Variants in MAGI2 observed in about 807,000 individuals in gnomAD.
MAGI2 encodes the protein membrane-associated guanylate kinase, WW and PDZ domain-containing protein 2.
MAGI2 carries 35 observed loss-of-function variants against 133.3 expected under a neutral mutation model. The ratio of observed to expected loss-of-function variants is 0.26; its 90% confidence interval spans 0.20 to 0.35. The LOEUF (loss-of-function observed/expected upper bound fraction) is 0.35. Ranked by LOEUF, MAGI2 falls within the 10% of genes least tolerant of loss-of-function variation. The pLI is 1.00. For missense variants in MAGI2, 1,636 were observed against 1,863.4 expected, an observed-to-expected ratio of 0.88 and a Z score of 2.25; for synonymous variants, 729 against 710.6, an observed-to-expected ratio of 1.03 and a Z score of -0.41.
At chr7:79,293,573 T>G (rs1836672208) in intron 1 of MAGI2, among the ~76,000 whole-genome samples, 1 of 152,206 alleles carries the variant, frequency 6.6e-6, no homozygotes, top group African/African-American at 2.4e-5. Flanking sequence ...CTGGCACCTA[T>G]GTGTTAGGCT....
chr7:78,070,170 CACACATATATATATATATATATATAT>C (rs1814375919), intron 21 of MAGI2, among the ~76,000 whole-genome samples: 6 of 86,934 alleles, frequency 6.9e-5, no homozygotes, highest in African/African-American at 1.3e-4. Context: ...TATACACACA[CACACATATATATATATATATATATAT>C]ATATATATAT....
chr7:78,822,745 G>C (rs1340822675), intron 2 of MAGI2, among the ~76,000 whole-genome samples: 1 of 152,058 alleles, frequency 6.6e-6, no homozygotes, highest in Non-Finnish European at 1.5e-5. Context: ...AGTATTCAGT[G>C]AACAAGAACA....
intron 2 of MAGI2, among the ~76,000 whole-genome samples, chr7:78,755,805 T>C (rs1257578371): frequency 6.6e-6 from 1 of 152,180 alleles, no homozygotes; most frequent in Non-Finnish European, 1.5e-5. Flanking sequence ...TGTTCCCCTA[T>C]AGAACACCCC....
chr7:78,795,339 C>A (rs904379568), intron 2 of MAGI2, among the ~76,000 whole-genome samples: 1 of 151,346 alleles, frequency 6.6e-6, no homozygotes, highest in East Asian at 1.9e-4. Flanking sequence ...AAAACATCAC[C>A]CAAAGATAAG....
chr7:78,180,587 T>G (rs966306733), intron 13 of MAGI2, among the ~76,000 whole-genome samples: 85 of 152,302 alleles, frequency 5.6e-4, no homozygotes, highest in African/African-American at 1.9e-3. Flanking sequence ...AGGCATTTTT[T>G]CTCCTCTTCC....
chr7:78,907,742 C>G (rs1338656177), intron 2 of MAGI2, among the ~76,000 whole-genome samples: 1 of 152,094 alleles, frequency 6.6e-6, no homozygotes, highest in Non-Finnish European at 1.5e-5. Flanking sequence ...AAAATTAGGC[C>G]TCTATTTTTC....
chr7:78,761,170 T>C (rs1264151548), intron 2 of MAGI2, among the ~76,000 whole-genome samples: 2 of 152,228 alleles, frequency 1.3e-5, no homozygotes, highest in Non-Finnish European at 2.9e-5. Flanking sequence ...GCAGTCAGTG[T>C]ATATAATAGA....
At chr7:78,941,306 A>G (rs1800945083) in intron 2 of MAGI2, among the ~76,000 whole-genome samples, 1 of 152,138 alleles carries the variant, frequency 6.6e-6, no homozygotes, top group South Asian at 2.1e-4. Flanking sequence ...ATCTTTTGCA[A>G]CAAGACACCT....
At chr7:78,247,999 G>A (rs1396621419) in intron 10 of MAGI2, among the ~76,000 whole-genome samples, 9 of 152,136 alleles carry the variant, frequency 5.9e-5, no homozygotes, top group Non-Finnish European at 1.0e-4. Context: ...ACTCAACCTA[G>A]AGAGGTCCTC....
rs181543546 is a variant in MAGI2 at position 79,337,949 on chromosome 7, C to T, written c.301+115071G>A. On this transcript the variant is annotated intron_variant, in intron 1 of 21. Coordinates refer to ENST00000354212, the MANE Select transcript of MAGI2 (RefSeq NM_012301.4). ...ATGCAAATGAGTAAAGCTAGTGACC[C>T]GGGAATATCTTCCTATTTTTAGGAC... Among the ~76,000 whole-genome samples, 681 of 152,092 alleles carry T rather than the reference C, an allele frequency of 4.5e-3. 1 individual carries two copies. The highest frequency in any genetic ancestry group is 7.2e-3 in the Non-Finnish European group (487 of 68,008).
At chr7:78,663,828 A>G (rs561888130) in intron 2 of MAGI2, among the ~76,000 whole-genome samples, 1 of 152,314 alleles carries the variant, frequency 6.6e-6, no homozygotes, top group Admixed American at 6.5e-5. Context: ...CTTGATTTAA[A>G]TCTTCCTAGG....
At position 78,741,729 on chromosome 7, in the gene MAGI2, T is replaced by C. The variant is rs1376864897; in HGVS notation, c.419-114490A>G. 2.0e-5 allele frequency among the ~76,000 whole-genome samples: 3 copies of C among 152,086 alleles called. 1 individual carries two copies. The highest frequency in any genetic ancestry group is 4.1e-4 in the South Asian group (2 of 4,828). On this transcript the variant is annotated intron_variant, in intron 2 of 21. Coordinates refer to ENST00000354212, the MANE Select transcript of MAGI2 (RefSeq NM_012301.4). The stretch of plus-strand genomic sequence containing the variant: ...TGCCTTATTTATATCAACTGTGAAA[T>C]AGGGATACTAACTATACTAGAGTTG...
At chr7:78,614,315 A>C (rs1806826990) in intron 3 of MAGI2, 1 of 151,878 alleles carries the variant, frequency 6.6e-6, no homozygotes, top group Admixed American at 6.6e-5. Flanking sequence ...GAAGCAGAGA[A>C]AACATTTCCA....
chr7:79,073,345 C>T (rs1815167382), intron 1 of MAGI2, among the ~76,000 whole-genome samples: 1 of 152,122 alleles, frequency 6.6e-6, no homozygotes, highest in Non-Finnish European at 1.5e-5. Flanking sequence ...CCTTGTTCTC[C>T]ACTAACTCTT....
At chr7:78,637,026 C>T (rs1809736699) in intron 2 of MAGI2, among the ~76,000 whole-genome samples, 1 of 152,132 alleles carries the variant, frequency 6.6e-6, no homozygotes, top group Non-Finnish European at 1.5e-5. Context: ...AACCACTGCT[C>T]CAATTTCACT....
At chr7:79,021,322 A>G (rs1809308429) in intron 1 of MAGI2, among the ~76,000 whole-genome samples, 1 of 152,068 alleles carries the variant, frequency 6.6e-6, no homozygotes, top group Non-Finnish European at 1.5e-5. Context: ...AGACCCTAGA[A>G]TGGTTGATCC....
intron 2 of MAGI2, among the ~76,000 whole-genome samples, chr7:78,992,998 A>G (rs930825081): frequency 5.3e-5 from 8 of 152,106 alleles, no homozygotes; most frequent in African/African-American, 1.9e-4. Flanking sequence ...TTCATGTGAG[A>G]AATATGATTA....
Position 78,847,133 on chromosome 7 carries a change from G to A in MAGI2, c.418+159957C>T, listed in dbSNP as rs541306313. 4.0e-4 allele frequency among the ~76,000 whole-genome samples: 61 copies of A among 152,036 alleles called. 1 individual carries two copies. In the South Asian group the frequency reaches 0.011, roughly 27 times the overall value. Reference sequence around the variant, plus strand: ...GGTAACTCTCCTTATAATTATCTGCGTTGAAAAGAAGAATCAAATAATAAA... The same window carrying A: ...GGTAACTCTCCTTATAATTATCTGCATTGAAAAGAAGAATCAAATAATAAA... On this transcript the variant is annotated intron_variant, in intron 2 of 21. Coordinates refer to ENST00000354212, the MANE Select transcript of MAGI2 (RefSeq NM_012301.4).
At chr7:79,280,146 T>C (rs546408173) in intron 1 of MAGI2, among the ~76,000 whole-genome samples, 6 of 152,318 alleles carry the variant, frequency 3.9e-5, no homozygotes, top group African/African-American at 1.2e-4. Flanking sequence ...GTCTCTGTGT[T>C]AAAAGCAGAG....
Sources: allele counts gnomAD v4.1 joint callset (sites outside exome capture counted in the v4.1 genomes callset), GRCh38; gene constraint gnomAD v4.1.1; transcripts MANE v1.5; gene names NCBI Gene and HGNC (gene_info 2026-07-23, HGNC 2026-07-21).